The following IL7 variants were observed in gnomAD, a reference collection of about 807,000 sequenced individuals.
The protein encoded by IL7 is interleukin 7.
Under a neutral mutation model 21.6 loss-of-function variants are expected in IL7, and 3 were observed. The ratio of observed to expected loss-of-function variants is 0.14; its 90% CI spans 0.06 to 0.36. The LOEUF is 0.36. Among genes scored for constraint, IL7 ranks in the 10% least tolerant of loss-of-function variants. The pLI, the probability that IL7 is intolerant of heterozygous loss-of-function variation, is 1.00. For missense variants in IL7, 175 were observed against 200.2 expected, an observed-to-expected ratio of 0.87 and a Z score of 0.76; for synonymous variants, 62 against 68.1, an observed-to-expected ratio of 0.91 and a Z score of 0.44.
At chr8:78,750,651 G>A (rs183180976) in intron 2 of IL7, among the ~76,000 whole-genome samples, 7 of 152,158 alleles carry the variant, frequency 4.6e-5, no homozygotes, top group East Asian at 1.9e-4. Context: ...GTGAAACCCC[G>A]TCTCTACTAA....
chr8:78,730,185 CTG>C (rs1466456108), downstream of IL7, among the ~76,000 whole-genome samples: 1 of 151,904 alleles, frequency 6.6e-6, no homozygotes, highest in African/African-American at 2.4e-5. Flanking sequence ...TAGAAAATTG[CTG>C]CCTTTCAAGA....
At chr8:78,765,791 C>G (rs2130775134) in intron 2 of IL7, among the ~76,000 whole-genome samples, 1 of 152,230 alleles carries the variant, frequency 6.6e-6, no homozygotes, top group Middle Eastern at 3.4e-3. Flanking sequence ...CAAAACTAAA[C>G]AATCTCTTAC....
At chr8:78,744,643 A>G (rs1216047292) in intron 2 of IL7, among the ~76,000 whole-genome samples, 3 of 152,188 alleles carry the variant, frequency 2.0e-5, no homozygotes, top group African/African-American at 7.2e-5. Context: ...TCCTAAGGGT[A>G]TGCACAAGGA....
intron 2 of IL7, among the ~76,000 whole-genome samples, chr8:78,745,993 G>A (rs1005222653): frequency 3.3e-5 from 5 of 151,920 alleles, no homozygotes; most frequent in African/African-American, 1.2e-4. Context: ...AGGAACTTGT[G>A]ATAGCATTTA....
intron 3 of IL7, among the ~76,000 whole-genome samples, chr8:78,688,629 C>T (rs561602206): frequency 2.0e-5 from 3 of 152,142 alleles, no homozygotes; most frequent in South Asian, 4.2e-4. Context: ...GTATGCTTTG[C>T]ATTTTGGGAA....
intron 2 of IL7, among the ~76,000 whole-genome samples, chr8:78,743,350 CCACCAA>C (rs1392283534): frequency 6.6e-6 from 1 of 152,062 alleles, no homozygotes; most frequent in African/African-American, 2.4e-5. Context: ...ATTTACATTC[CCACCAA>C]CAGTGTATAA....
intron 3 of IL7, among the ~76,000 whole-genome samples, chr8:78,708,425 C>T (rs1444896647): frequency 4.6e-5 from 7 of 152,020 alleles, no homozygotes; most frequent in Non-Finnish European, 7.4e-5. Context: ...CACCTGTAAT[C>T]CCAACACTTT....
intron 4 of IL7, chr8:78,678,510 T>C (rs1401173269): frequency 1.4e-6 from 2 of 1,430,754 alleles, no homozygotes; most frequent in African/African-American, 2.9e-5. Context: ...AGTTCTGTAG[T>C]CTTACCTTCT....
chr8:78,787,036 A>C (rs1358189287), intron 2 of IL7, among the ~76,000 whole-genome samples: 1 of 152,236 alleles, frequency 6.6e-6, no homozygotes, highest in Non-Finnish European at 1.5e-5. Flanking sequence ...CAGAGAAGGC[A>C]AGAAAGCTCC....
At chr8:78,763,237 C>A (rs1812638293) in intron 2 of IL7, among the ~76,000 whole-genome samples, 1 of 152,138 alleles carries the variant, frequency 6.6e-6, no homozygotes, top group African/African-American at 2.4e-5. Context: ...ACGCCCCCAG[C>A]CTGTTTTTCT....
At chr8:78,756,258 A>G (rs1475898159) in intron 2 of IL7, among the ~76,000 whole-genome samples, 3 of 151,456 alleles carry the variant, frequency 2.0e-5, no homozygotes, top group Non-Finnish European at 3.0e-5. Flanking sequence ...AACTTTGCAT[A>G]TTGGCTTGTA....
chr8:78,769,260 G>T (rs968333477), intron 2 of IL7, among the ~76,000 whole-genome samples: 6 of 152,046 alleles, frequency 3.9e-5, no homozygotes, highest in African/African-American at 9.7e-5. Context: ...GTTTGCAGAT[G>T]ACATGATTGT....
intron 1 of IL7, 103 bp from the exon 2 acceptor site, chr8:78,798,311 A>T: frequency 1.2e-6 from 1 of 815,586 alleles, no homozygotes; most frequent in Non-Finnish European, 1.9e-6. Flanking sequence ...AATTTTAAAA[A>T]TACATCTTGG....
chr8:78,774,579 G>T (rs16906080), intron 2 of IL7, among the ~76,000 whole-genome samples: 6 of 151,858 alleles, frequency 4.0e-5, no homozygotes, highest in African/African-American at 1.5e-4. Context: ...AGCAATTCTC[G>T]TGCAATTTAT....
At chr8:78,717,523 G>T (rs745801302), downstream of IL7, 3 of 1,495,992 alleles carry the variant, frequency 2.0e-6, no homozygotes, top group Non-Finnish European at 2.7e-6. Flanking sequence ...AAAAAGCCAA[G>T]TTCAGAGTTT....
intron 2 of IL7, among the ~76,000 whole-genome samples, chr8:78,753,720 G>A (rs990112189): frequency 6.6e-6 from 1 of 152,164 alleles, no homozygotes; most frequent in African/African-American, 2.4e-5. Flanking sequence ...GTATGTTTAA[G>A]TCTTTAATCC....
At chr8:78,741,511 A>G (rs1447384767) in intron 2 of IL7, among the ~76,000 whole-genome samples, 1 of 152,204 alleles carries the variant, frequency 6.6e-6, no homozygotes, top group Non-Finnish European at 1.5e-5. Context: ...TTCACCAAAA[A>G]TATCGTATGA....
chr8:78,740,030 A>C lies in IL7; in HGVS notation c.200T>G (p.Phe67Cys). 1.9e-6 allele frequency: 3 copies of C among 1,542,024 alleles called. No individual in the cohort carries two copies. The highest frequency in any genetic ancestry group is 2.6e-6 in the Non-Finnish European group (3 of 1,149,656). ...ATTAGCATCACAGATATGTCTTTTA[A>C]AAAAGTTAAATTCATTATTCAGGCA... is the stretch of plus-strand genomic sequence containing the variant. Reference protein sequence around the residue: ...SNCLNNEFNFFKRHICDANKE... With the variant: ...SNCLNNEFNFCKRHICDANKE... The change falls in exon 3 of 6, where the codon TTT becomes TGT. Residue 67 changes from phenylalanine to cysteine, a missense_variant. Physicochemically the swap from Phe to Cys is radical, Grantham distance 205 (BLOSUM62 -2). Coordinates refer to ENST00000263851, the MANE Select transcript of IL7 (RefSeq NM_000880.4).
chr8:78,694,261 A>G (rs1005862267), intron 3 of IL7, among the ~76,000 whole-genome samples: 1 of 150,096 alleles, frequency 6.7e-6, no homozygotes, highest in East Asian at 2.0e-4. Flanking sequence ...AGCAATATCA[A>G]GTGACTTGTA....
Sources: gnomAD v4.1 joint callset for allele counts (sites outside exome capture counted in the v4.1 genomes callset) on GRCh38, gnomAD v4.1.1 for gene constraint, MANE v1.5 for transcripts, NCBI Gene and HGNC (gene_info 2026-07-23, HGNC 2026-07-21) for gene names.